Variants in CIMIP6 observed in about 807,000 individuals in gnomAD.
The protein encoded by CIMIP6 is ciliary microtubule inner protein 6.
the CIMIP6 span, among the ~76,000 whole-genome samples, chr2:54,351,722 C>T: frequency 6.6e-6 from 1 of 152,244 alleles, no homozygotes; most frequent in East Asian, 1.9e-4. Flanking sequence ...CCCCATGAGA[C>T]AAGCTTACCT....
the CIMIP6 span, among the ~76,000 whole-genome samples, chr2:54,354,195 G>A: frequency 1.3e-5 from 2 of 152,004 alleles, no homozygotes; most frequent in African/African-American, 2.4e-5. Flanking sequence ...TCTCTGTTAC[G>A]TTACTCAGGT....
the CIMIP6 span, among the ~76,000 whole-genome samples, chr2:54,351,242 C>T: frequency 6.6e-6 from 1 of 152,158 alleles, no homozygotes; most frequent in African/African-American, 2.4e-5. Context: ...TAATTATGTT[C>T]TGTTTTCCAG....
At chr2:54,354,865 G>T in the CIMIP6 span, among the ~76,000 whole-genome samples, 1 of 151,432 alleles carries the variant, frequency 6.6e-6, no homozygotes, top group Non-Finnish European at 1.5e-5. Context: ...TAGAATTTTA[G>T]TTCTGAGTTT....
chr2:54,368,885 C>T, the CIMIP6 span, among the ~76,000 whole-genome samples: 2 of 152,184 alleles, frequency 1.3e-5, no homozygotes, highest in Non-Finnish European at 2.9e-5. Context: ...CTCTCGGACC[C>T]TGCCCTATAT....
chr2:54,333,299 A>G, the CIMIP6 span, among the ~76,000 whole-genome samples: 1 of 152,250 alleles, frequency 6.6e-6, no homozygotes, highest in East Asian at 1.9e-4. Context: ...TGGTAGAGGA[A>G]AGAAATCTAG....
chr2:54,366,823 T>C, the CIMIP6 span, among the ~76,000 whole-genome samples: 1 of 152,130 alleles, frequency 6.6e-6, no homozygotes, highest in Non-Finnish European at 1.5e-5. Flanking sequence ...TCGTCTGACA[T>C]ACACAGATTA....
At chr2:54,345,761 A>G in the CIMIP6 span, among the ~76,000 whole-genome samples, 1 of 152,240 alleles carries the variant, frequency 6.6e-6, no homozygotes, top group African/African-American at 2.4e-5. Flanking sequence ...AAAATGCATT[A>G]AAAGGGTCTA....
At chr2:54,360,321 C>A in the CIMIP6 span, 1 of 1,611,564 alleles carries the variant, frequency 6.2e-7, no homozygotes, top group South Asian at 1.1e-5. Context: ...TCCAAAAAAA[C>A]AGAGAAAGGA....
chr2:54,360,381 C>T, the CIMIP6 span: 1 of 1,609,344 alleles, frequency 6.2e-7, no homozygotes, highest in African/African-American at 1.3e-5. Flanking sequence ...CAACAAAATT[C>T]TCAGGAGCTG....
At chr2:54,356,707 ATTG>A in the CIMIP6 span, among the ~76,000 whole-genome samples, 5 of 152,194 alleles carry the variant, frequency 3.3e-5, no homozygotes, top group Non-Finnish European at 5.9e-5. Flanking sequence ...AAAGCAAATT[ATTG>A]TTTTCTTCAT....
the CIMIP6 span, among the ~76,000 whole-genome samples, chr2:54,342,475 A>G: frequency 3.3e-5 from 5 of 152,032 alleles, no homozygotes; most frequent in African/African-American, 7.2e-5. Flanking sequence ...AATGTCTTCT[A>G]AGTTTCTTGA....
the CIMIP6 span, among the ~76,000 whole-genome samples, chr2:54,384,065 T>G: frequency 6.6e-6 from 1 of 152,178 alleles, no homozygotes; most frequent in Non-Finnish European, 1.5e-5. Context: ...CAGTCTTTGG[T>G]ATTCTGTTAT....
chr2:54,382,284 GAAC>G, the CIMIP6 span, among the ~76,000 whole-genome samples: 9 of 152,102 alleles, frequency 5.9e-5, no homozygotes, highest in Non-Finnish European at 8.8e-5. Flanking sequence ...GAGAAATTGA[GAAC>G]AATAAAACTG....
At chr2:54,358,209 C>T in the CIMIP6 span, among the ~76,000 whole-genome samples, 1 of 152,200 alleles carries the variant, frequency 6.6e-6, no homozygotes, top group Non-Finnish European at 1.5e-5. Context: ...ACAACTGCAG[C>T]AGCCCTAGAG....
the CIMIP6 span, among the ~76,000 whole-genome samples, chr2:54,333,851 C>A: frequency 6.6e-6 from 1 of 152,124 alleles, no homozygotes; most frequent in African/African-American, 2.4e-5. Flanking sequence ...GGAGATAGCA[C>A]CACTGCACTC....
At chr2:54,357,647 G>T in the CIMIP6 span, among the ~76,000 whole-genome samples, 2 of 150,364 alleles carry the variant, frequency 1.3e-5, no homozygotes, top group Non-Finnish European at 2.9e-5. Context: ...CGCGATTTTG[G>T]CTCACTGGAA....
the CIMIP6 span, among the ~76,000 whole-genome samples, chr2:54,344,284 A>G: frequency 1.3e-5 from 2 of 152,222 alleles, no homozygotes; most frequent in Non-Finnish European, 2.9e-5. Context: ...GGTTCAGGAT[A>G]GCAGACTGAG....
At chr2:54,376,456 C>T in the CIMIP6 span, among the ~76,000 whole-genome samples, 83 of 152,298 alleles carry the variant, frequency 5.4e-4, no homozygotes, top group African/African-American at 1.6e-3. Flanking sequence ...ATCTCAAGTT[C>T]GCTTTGTGGC....
chr2:54,331,541 G>A, the CIMIP6 span, among the ~76,000 whole-genome samples: 1 of 151,930 alleles, frequency 6.6e-6, no homozygotes, highest in South Asian at 2.1e-4. Context: ...TACACAACAC[G>A]CCCCTTACCG....
Sources: gnomAD v4.1 joint callset for allele counts (sites outside exome capture counted in the v4.1 genomes callset) on GRCh38, gnomAD v4.1.1 for gene constraint, MANE v1.5 for transcripts, NCBI Gene and HGNC (gene_info 2026-07-23, HGNC 2026-07-21) for gene names.